Variants in WDR27 observed in about 807,000 individuals in gnomAD.
WDR27 encodes WD repeat-containing protein 27.
A neutral mutation model predicts 114.4 loss-of-function variants in WDR27; 100 were observed. The observed-to-expected ratio is 0.87, with a 90% CI of 0.74 to 1.03. The LOEUF is 1.03. WDR27 is among the 50% of genes least tolerant of loss of function. WDR27 has a pLI of 0.00. For synonymous variants in WDR27, 449 were observed against 423.1 expected, an observed-to-expected ratio of 1.06 and a Z score of -0.75; for missense variants, 1,129 against 1,092.9, an observed-to-expected ratio of 1.03 and a Z score of -0.47.
intron 19 of WDR27, 134 bp downstream of exon 19, chr6:169,636,237 C>T: frequency 9.5e-7 from 1 of 1,052,496 alleles, no homozygotes; most frequent in Non-Finnish European, 1.4e-6. Flanking sequence ...AATTCCCTCT[C>T]ATCAAGAGTT....
intron 1 of WDR27, among the ~76,000 whole-genome samples, chr6:169,700,613 C>T (rs1428537861): frequency 6.6e-6 from 1 of 152,220 alleles, no homozygotes; most frequent in Non-Finnish European, 1.5e-5. Context: ...GAATTTTAGG[C>T]TGCAGCTTGC....
intron 22 of WDR27, 85 bp from the exon 23 acceptor site, chr6:169,602,406 T>C (rs994889567): frequency 3.5e-6 from 3 of 858,944 alleles, no homozygotes; most frequent in Admixed American, 4.8e-5. Context: ...TTGTTGCTTT[T>C]CTTCACAAAA....
the WDR27 span, among the ~76,000 whole-genome samples, chr6:169,449,841 C>A: frequency 6.6e-6 from 1 of 152,166 alleles, no homozygotes; most frequent in Non-Finnish European, 1.5e-5. Context: ...ACTAACTAGG[C>A]CTTCTGACGA....
rs201228169 is a variant in WDR27, at chr6:169,662,462, T to C, written c.905-38A>G. On this transcript the variant is annotated intron_variant, in intron 8 of 25. Transcript: ENST00000448612. ...TTATTGAGAATCTAAGAAGTGAACT[T>C]AAATGCATCCGTCAAGTTTAAAGGC... 196 of 1,606,250 alleles carry C rather than the reference T, an allele frequency of 1.2e-4. 1 individual carries two copies. In the East Asian group the frequency reaches 4.3e-3, roughly 35 times the overall value.
intron 2 of WDR27, among the ~76,000 whole-genome samples, chr6:169,687,094 A>G (rs1783184389): frequency 6.6e-6 from 1 of 152,140 alleles, no homozygotes; most frequent in Non-Finnish European, 1.5e-5. Flanking sequence ...ATTACAGTTA[A>G]TAATAACTTA....
chr6:169,488,506 C>T (rs1789251197), intron 25 of WDR27, among the ~76,000 whole-genome samples: 1 of 152,236 alleles, frequency 6.6e-6, no homozygotes, highest in Non-Finnish European at 1.5e-5. Flanking sequence ...TGAGCAGTGT[C>T]AGAAGCACCT....
At chr6:169,696,685 C>T (rs7741550) in intron 1 of WDR27, among the ~76,000 whole-genome samples, 16,023 of 152,134 alleles carry the variant, frequency 0.11, 911 homozygotes, top group African/African-American at 0.12. Flanking sequence ...GAGGCTGAGG[C>T]GGGTGGATCA....
chr6:169,623,916 C>T (rs34777544), intron 21 of WDR27, among the ~76,000 whole-genome samples: 2 of 152,130 alleles, frequency 1.3e-5, no homozygotes, highest in Non-Finnish European at 2.9e-5. Flanking sequence ...GTGACACAGC[C>T]TGAGCAAAAA....
chr6:169,599,467 C>T lies in WDR27; in HGVS notation c.2424+2752G>A, dbSNP rs181611619. ...GTTATTGGTCTATTCAGAGATTCAA[C>T]TTCTTCCTGGTTTAGTCTTGGGAGA... On this transcript the variant is annotated intron_variant, in intron 23 of 25. Transcript: ENST00000448612. Among the ~76,000 whole-genome samples the T allele has an allele frequency of 1.5e-3, 231 of 152,272 alleles. 1 individual carries two copies. The highest frequency in any genetic ancestry group is 2.1e-3 in the Non-Finnish European group (143 of 68,022).
downstream of WDR27, among the ~76,000 whole-genome samples, chr6:169,454,343 G>A (rs778728787): frequency 2.6e-5 from 4 of 151,806 alleles, no homozygotes; most frequent in Admixed American, 6.6e-5. Flanking sequence ...CCTGTCAAAC[G>A]GTGAGTTGGT....
chr6:169,486,144 C>G (rs1012720576), intron 25 of WDR27, among the ~76,000 whole-genome samples: 1 of 150,986 alleles, frequency 6.6e-6, no homozygotes, highest in Non-Finnish European at 1.5e-5. Context: ...TACCCCTGAA[C>G]TTAAAAAGGT....
rs539321180 is a variant in WDR27 at position 169,457,291 on chromosome 6, A to T, written c.*301T>A. On this transcript the variant is annotated 3_prime_UTR_variant, in exon 26 of 26. Transcript: ENST00000448612. The stretch of plus-strand genomic sequence containing the variant: ...CAACTCTAATTATCAAACAAATACT[A>T]TATTATGTTTTATTGAAAGATATTT... 9.7e-5 allele frequency: 26 copies of T among 268,264 alleles called. No individual in the cohort carries two copies. The highest frequency in any genetic ancestry group is 4.9e-4 in the African/African-American group (22 of 45,074). The allele number at this position is 268,264 out of a possible 1,614,324, so 16.6% of individuals were successfully genotyped here. A position where few individuals can be genotyped will look rare whatever the true frequency, so the allele number is the denominator to read the frequency against.
At chr6:169,515,040 A>T (rs1793456421) in intron 25 of WDR27, among the ~76,000 whole-genome samples, 1 of 151,544 alleles carries the variant, frequency 6.6e-6, no homozygotes, top group Non-Finnish European at 1.5e-5. Context: ...CTAAAATTAA[A>T]TTTAAAAGAC....
chr6:169,611,754 C>A (rs1042676968), intron 22 of WDR27, among the ~76,000 whole-genome samples: 18 of 152,286 alleles, frequency 1.2e-4, no homozygotes, highest in African/African-American at 4.3e-4. Flanking sequence ...TCGGGATCAT[C>A]AATATCACTG....
chr6:169,664,419 G>A, intron 7 of WDR27, 133 bp from the exon 8 acceptor site: 1 of 1,538,758 alleles, frequency 6.5e-7, no homozygotes, highest in South Asian at 1.2e-5. Context: ...GAGGCTCCCG[G>A]CACAGCTGTC....
At chr6:169,558,067 C>A (rs1462900623) in intron 25 of WDR27, among the ~76,000 whole-genome samples, 1 of 152,078 alleles carries the variant, frequency 6.6e-6, no homozygotes, top group Non-Finnish European at 1.5e-5. Flanking sequence ...CCACAAATTT[C>A]TGGGTTCAAA....
At chr6:169,471,411 GAGT>G (rs1201816277) in intron 25 of WDR27, among the ~76,000 whole-genome samples, 2 of 152,174 alleles carry the variant, frequency 1.3e-5, no homozygotes, top group African/African-American at 4.8e-5. Flanking sequence ...TGCCCTCAAA[GAGT>G]AGTAGATTTT....
At chr6:169,520,929 A>T (rs961168808) in intron 25 of WDR27, among the ~76,000 whole-genome samples, 1 of 152,184 alleles carries the variant, frequency 6.6e-6, no homozygotes, top group Non-Finnish European at 1.5e-5. Flanking sequence ...TTAGTGTTCA[A>T]GTTGAACAAG....
intron 23 of WDR27, among the ~76,000 whole-genome samples, chr6:169,583,667 C>T (rs888446033): frequency 1.3e-5 from 2 of 151,732 alleles, no homozygotes. Flanking sequence ...AGTGTATCAA[C>T]AAATATTTTC....
Sources: allele counts gnomAD v4.1 joint callset (sites outside exome capture counted in the v4.1 genomes callset), GRCh38; gene constraint gnomAD v4.1.1; transcripts MANE v1.5; gene names NCBI Gene and HGNC (gene_info 2026-07-23, HGNC 2026-07-21).